GALNTL6: variants seen among roughly 807,000 people sequenced by gnomAD.
GALNTL6 encodes the protein polypeptide N-acetylgalactosaminyltransferase like 6, also known as polypeptide N-acetylgalactosaminyltransferase-like 6.
GALNTL6 carries 46 observed loss-of-function variants against 73.7 expected under a neutral mutation model. The observed-to-expected ratio is 0.62, with a 90% CI of 0.49 to 0.80. GALNTL6 has a LOEUF of 0.80. GALNTL6 is among the 30% of genes least tolerant of loss of function. The pLI is 0.00. For missense variants in GALNTL6, 604 were observed against 755.0 expected, an observed-to-expected ratio of 0.80 and a Z score of 2.34; for synonymous variants, 259 against 263.7, an observed-to-expected ratio of 0.98 and a Z score of 0.17.
intron 7 of GALNTL6, among the ~76,000 whole-genome samples, chr4:172,830,043 C>T (rs558465630): frequency 6.6e-6 from 1 of 152,224 alleles, no homozygotes; most frequent in Non-Finnish European, 1.5e-5. Context: ...TTTTTCTCAT[C>T]TGAGGTCACA....
chr4:171,991,039 C>T (rs1354022645), intron 2 of GALNTL6, among the ~76,000 whole-genome samples: 1 of 152,112 alleles, frequency 6.6e-6, no homozygotes, highest in East Asian at 1.9e-4. Flanking sequence ...TTCTCATCTA[C>T]ACTCATGGAA....
chr4:172,926,201 G>A (rs1257138304), intron 8 of GALNTL6, among the ~76,000 whole-genome samples: 2 of 152,124 alleles, frequency 1.3e-5, no homozygotes, highest in Admixed American at 6.5e-5. Context: ...CCATGAGAGA[G>A]CTCTCTGGGG....
intron 4 of GALNTL6, among the ~76,000 whole-genome samples, chr4:172,348,276 C>T (rs535874451): frequency 6.6e-6 from 1 of 152,202 alleles, no homozygotes; most frequent in South Asian, 2.1e-4. Flanking sequence ...ATTTCAAAAA[C>T]TGACAAATTT....
At chr4:172,642,173 C>T (rs1362534920) in intron 5 of GALNTL6, among the ~76,000 whole-genome samples, 2 of 151,736 alleles carry the variant, frequency 1.3e-5, no homozygotes, top group African/African-American at 2.4e-5. Context: ...ATGAAGCTTC[C>T]TCAAAAAATT....
At chr4:172,382,901 GT>G (rs74311265) in intron 5 of GALNTL6, among the ~76,000 whole-genome samples, 61,127 of 151,782 alleles carry the variant, frequency 0.4, 14,904 homozygotes, top group South Asian at 0.66. Flanking sequence ...TTAAAGGACT[GT>G]TTTTTCCCCA....
At chr4:172,000,987 T>A (rs1207795233) in intron 2 of GALNTL6, among the ~76,000 whole-genome samples, 1 of 152,156 alleles carries the variant, frequency 6.6e-6, no homozygotes, top group South Asian at 2.1e-4. Context: ...GAAAGATATG[T>A]TCTACCTGCT....
chr4:172,131,443 G>A (rs1208330126), intron 2 of GALNTL6, among the ~76,000 whole-genome samples: 2 of 118,266 alleles, frequency 1.7e-5, no homozygotes, highest in African/African-American at 3.5e-5. Flanking sequence ...ACACACACAC[G>A]CATATATATT....
intron 5 of GALNTL6, among the ~76,000 whole-genome samples, chr4:172,635,637 T>C (rs1182419181): frequency 6.6e-6 from 1 of 152,210 alleles, no homozygotes; most frequent in Non-Finnish European, 1.5e-5. Flanking sequence ...GCGAACTTTC[T>C]TCTCAAATGT....
intron 5 of GALNTL6, among the ~76,000 whole-genome samples, chr4:172,532,509 A>G (rs1357067600): frequency 6.6e-6 from 1 of 152,254 alleles, no homozygotes; most frequent in Admixed American, 6.5e-5. Flanking sequence ...TCCAGTTTTT[A>G]GTAATTTGTT....
chr4:172,043,515 C>T (rs1291013379), intron 2 of GALNTL6, among the ~76,000 whole-genome samples: 2 of 151,940 alleles, frequency 1.3e-5, no homozygotes, highest in African/African-American at 2.4e-5. Flanking sequence ...CACACATGTG[C>T]GTGTGCATAT....
chr4:171,941,851 G>A (rs1490854859), intron 2 of GALNTL6, among the ~76,000 whole-genome samples: 1 of 152,098 alleles, frequency 6.6e-6, no homozygotes, highest in Non-Finnish European at 1.5e-5. Flanking sequence ...AAAATTATGT[G>A]AAAATTCTGT....
chr4:171,850,307 C>T lies in GALNTL6; in HGVS notation c.138+35589C>T, dbSNP rs6818534. 4.1e-3 allele frequency among the ~76,000 whole-genome samples: 624 copies of T among 152,192 alleles called. 3 individuals carry two copies. Among genetic ancestry groups the T allele is most frequent in the African/African-American group, 0.014 (595 of 41,510 alleles). ...TATGCATCAAAACGTAAAGTAGGGA[C>T]GTGAAGTTACTCCAGTGCACAGCCT... is the stretch of plus-strand genomic sequence containing the variant. On this transcript the variant is annotated intron_variant, in intron 2 of 12. Coordinates refer to ENST00000506823, the MANE Select transcript of GALNTL6 (RefSeq NM_001034845.3).
intron 5 of GALNTL6, among the ~76,000 whole-genome samples, chr4:172,702,225 C>T (rs369344699): frequency 1.2e-4 from 18 of 152,028 alleles, no homozygotes; most frequent in Admixed American, 7.9e-4. Context: ...TACATACACA[C>T]GAAGAGACAC....
intron 2 of GALNTL6, among the ~76,000 whole-genome samples, chr4:171,826,283 C>T (rs140377221): frequency 4.5e-4 from 69 of 152,232 alleles, no homozygotes; most frequent in African/African-American, 1.5e-3. Flanking sequence ...TGTCATAAAA[C>T]CAGAAAGCAC....
chr4:171,869,218 A>G (rs1736066688), intron 2 of GALNTL6, among the ~76,000 whole-genome samples: 1 of 152,224 alleles, frequency 6.6e-6, no homozygotes, highest in Non-Finnish European at 1.5e-5. Context: ...TCTGTTAAGT[A>G]AGTGATAAAC....
At chr4:172,067,268 TTC>T (rs1731393886) in intron 2 of GALNTL6, among the ~76,000 whole-genome samples, 1 of 152,072 alleles carries the variant, frequency 6.6e-6, no homozygotes, top group African/African-American at 2.4e-5. Flanking sequence ...TGGTCCATCT[TTC>T]TCTGTCAGTC....
At chr4:171,822,767 T>C (rs1161851660) in intron 2 of GALNTL6, among the ~76,000 whole-genome samples, 5 of 152,310 alleles carry the variant, frequency 3.3e-5, no homozygotes, top group African/African-American at 1.2e-4. Context: ...TGTTTTCAAT[T>C]AACTTCGAAT....
At chr4:172,714,614 C>T (rs1734944510) in intron 5 of GALNTL6, among the ~76,000 whole-genome samples, 1 of 152,062 alleles carries the variant, frequency 6.6e-6, no homozygotes, top group Non-Finnish European at 1.5e-5. Context: ...TTTTCAGGAG[C>T]TTAGTAGATT....
intron 5 of GALNTL6, among the ~76,000 whole-genome samples, chr4:172,539,873 GA>G (rs1735482513): frequency 2.9e-5 from 2 of 69,886 alleles, no homozygotes; most frequent in Non-Finnish European, 5.3e-5. Flanking sequence ...TTATACATAT[GA>G]TTATATATAT....
Sources: gnomAD v4.1 joint callset for allele counts (sites outside exome capture counted in the v4.1 genomes callset) on GRCh38, gnomAD v4.1.1 for gene constraint, MANE v1.5 for transcripts, NCBI Gene and HGNC (gene_info 2026-07-23, HGNC 2026-07-21) for gene names.